The following TAOK2 variants were observed in gnomAD, a reference collection of about 807,000 sequenced individuals.
TAOK2 encodes the protein TAO kinase 2.
Under a neutral mutation model 122.5 loss-of-function variants are expected in TAOK2, and 42 were observed. The observed-to-expected ratio is 0.34, with a 90% CI of 0.27 to 0.44. The LOEUF is 0.44. Among genes scored for constraint, TAOK2 ranks in the 20% least tolerant of loss-of-function variants. The pLI is 1.00. For synonymous variants in TAOK2, 704 were observed against 677.6 expected, an observed-to-expected ratio of 1.04 and a Z score of -0.61; for missense variants, 1,264 against 1,644.9, an observed-to-expected ratio of 0.77 and a Z score of 4.01.
downstream of TAOK2, chr16:29,989,888 G>A (rs1382022885): frequency 2.8e-6 from 4 of 1,423,426 alleles, no homozygotes; most frequent in Non-Finnish European, 1.9e-6. Context: ...TGCAGGGCAT[G>A]CACAGAGCTG....
In TAOK2 at chr16:29,983,239, G is replaced by A; in HGVS notation, c.1167G>A (p.Glu389=). ...AGGAGGAGGAGGAGGAAGAGGAGGA[G>A]GAGGAAGAAGGCCCTGAAGCCCGGG... ...EEEEEEEEEE[E]EEEGPEAREM... Residue 389 remains glutamate, a synonymous_variant, in exon 12 of 16, where the codon GAG becomes GAA. Transcript: ENST00000308893. The A allele has an allele frequency of 6.2e-7, 1 of 1,611,824 alleles. No individual in the cohort carries two copies. The highest frequency in any genetic ancestry group is 8.5e-7 in the Non-Finnish European group (1 of 1,179,964).
At chr16:29,978,231 C>G (rs996674061) in intron 3 of TAOK2, 21 bp from the exon 4 acceptor site, 4 of 1,613,932 alleles carry the variant, frequency 2.5e-6, no homozygotes, top group African/African-American at 2.7e-5. Flanking sequence ...TGGGTAACCT[C>G]TGCCTACCCT....
At chr16:29,990,953 T>C (rs2069951968), downstream of TAOK2, 2 of 1,611,100 alleles carry the variant, frequency 1.2e-6, no homozygotes, top group Non-Finnish European at 1.7e-6. Flanking sequence ...CGGCGGGCAC[T>C]GCTGGAGCAG....
At position 29,988,350 on chromosome 16, in the gene TAOK2, C is replaced by CA; in HGVS notation, c.*377dup. ...TTCCAACCTGTCCCCTTCCCCCCAC[C>CA]AAAAAAAGAAAAAGACAAACACAAA... is the stretch of plus-strand genomic sequence containing the variant. On this transcript the variant is annotated 3_prime_UTR_variant, in exon 16 of 16. Transcript: ENST00000308893. 2.9e-6 allele frequency: 4 copies of CA among 1,375,106 alleles called. No homozygotes were observed. The highest frequency in any genetic ancestry group is 2.2e-5 in the Admixed American group (1 of 45,096). The allele number at this position is 1,375,106 out of a possible 1,614,324, so 85.2% of individuals were successfully genotyped here.
chr16:29,976,027 G>T (rs564845580), intron 1 of TAOK2, among the ~76,000 whole-genome samples: 15 of 152,292 alleles, frequency 9.8e-5, no homozygotes, highest in African/African-American at 3.6e-4. Context: ...GTTTTGGAAG[G>T]TGGTTATGAT....
At chr16:29,990,904 G>C, downstream of TAOK2, 1 of 1,613,678 alleles carries the variant, frequency 6.2e-7, no homozygotes, top group Non-Finnish European at 8.5e-7. Flanking sequence ...GAGCCAGCAC[G>C]AGAGGGAGCT....
Position 29,988,153 on chromosome 16 carries a change from A to G in TAOK2, c.*173A>G. The G allele has an allele frequency of 7.0e-7, 1 of 1,432,118 alleles. No individual in the cohort carries two copies. Among genetic ancestry groups the G allele is most frequent in the Non-Finnish European group, 9.1e-7 (1 of 1,098,284 alleles). The allele number at this position is 1,432,118 out of a possible 1,614,324, so 88.7% of individuals were successfully genotyped here. On this transcript the variant is annotated 3_prime_UTR_variant, in exon 16 of 16. Coordinates refer to ENST00000308893, the MANE Select transcript of TAOK2 (RefSeq NM_016151.4). ...AGACAGGCAGCCTCCTCAGCTGTGGAGTCCAGCAGTCACTCTGTGTTCTCC... is the reference window on the plus strand; with the variant it reads ...AGACAGGCAGCCTCCTCAGCTGTGGGGTCCAGCAGTCACTCTGTGTTCTCC...
chr16:29,986,944 A>C lies in TAOK2; in HGVS notation c.2672A>C (p.Gln891Pro), dbSNP rs767646576. ...GAGGAGTTTGAGCTTGGCTGGGTCC[A>C]GGGCCCAGCACTGACTCCCGTCCCT... ...LDEEFELGWV[Q>P]GPALTPVPEE... Residue 891 changes from glutamine (Q) to proline (P), a missense_variant, in exon 16 of 16, where the codon CAG (glutamine) becomes CCG (proline). This residue lies in a region of TAOK2 where 824 missense variants were observed against 908.7 expected (regional missense o/e 0.91). Transcript: ENST00000308893. The surrounding 1 kb of genome is among the most constrained non-coding windows in gnomAD (Gnocchi z 4.2). 1 of 1,613,924 alleles carries C rather than the reference A, an allele frequency of 6.2e-7. No homozygotes were observed. The highest frequency in any genetic ancestry group is 1.3e-5 in the African/African-American group (1 of 74,882).
At chr16:29,988,589 G>A, downstream of TAOK2, 3 of 985,412 alleles carry the variant, frequency 3.0e-6, no homozygotes, top group Non-Finnish European at 3.6e-6. Context: ...CGGCTCTGGG[G>A]TCTGGGCCCC....
At chr16:29,978,729 C>T in intron 4 of TAOK2, 70 bp from the exon 5 acceptor site, 1 of 1,572,858 alleles carries the variant, frequency 6.4e-7, no homozygotes. Context: ...GAGTACAGGA[C>T]AGTCAAGGAA....
At chr16:29,981,349 C>T in intron 8 of TAOK2, 1 of 574,432 alleles carries the variant, frequency 1.7e-6, no homozygotes, top group South Asian at 2.3e-5. Flanking sequence ...ATCAAGTTAT[C>T]TGCTCCCTTT....
At chr16:29,977,536 A>G (rs1193616634) in intron 1 of TAOK2, among the ~76,000 whole-genome samples, 1 of 152,100 alleles carries the variant, frequency 6.6e-6, no homozygotes, top group Non-Finnish European at 1.5e-5. Flanking sequence ...GACTCCAGGG[A>G]CCCAGCCCGC....
Position 29,982,820 on chromosome 16 carries a change from C to T in TAOK2, c.918C>T (p.Asn306=). 1 of 1,614,096 alleles carries T rather than the reference C, an allele frequency of 6.2e-7. No homozygotes were observed. The highest frequency in any genetic ancestry group is 8.5e-7 in the Non-Finnish European group (1 of 1,179,982). Residue 306 remains asparagine (N), a synonymous_variant, in exon 11 of 16, where the codon AAC becomes AAT. Coordinates refer to ENST00000308893, the MANE Select transcript of TAOK2 (RefSeq NM_016151.4). The part of the protein sequence containing the change: ...RTKDAVRELD[N]LQYRKMKKIL... Reference sequence around the variant, plus strand: ...AGGATGCCGTGCGGGAGCTGGACAACCTGCAGTACCGCAAGATGAAGAAGA... The same window carrying T: ...AGGATGCCGTGCGGGAGCTGGACAATCTGCAGTACCGCAAGATGAAGAAGA...
Position 29,979,604 on chromosome 16 carries a change from C to T in TAOK2, c.655+96C>T. The T allele has an allele frequency of 4.8e-6, 5 of 1,034,504 alleles. No homozygotes were observed. The highest frequency in any genetic ancestry group is 6.8e-6 in the Non-Finnish European group (5 of 733,320). The allele number at this position is 1,034,504 out of a possible 1,614,324, so 64.1% of individuals were successfully genotyped here. A position where few individuals can be genotyped will look rare whatever the true frequency, so the allele number is the denominator to read the frequency against. On this transcript the variant is annotated intron_variant, in intron 8 of 15. Coordinates refer to ENST00000308893, the MANE Select transcript of TAOK2 (RefSeq NM_016151.4). The surrounding 1 kb of genome is among the most constrained non-coding windows in gnomAD (Gnocchi z 4.1). The stretch of plus-strand genomic sequence containing the variant: ...CCCCCTTCTCCTAGGGATGGGATCC[C>T]AGGCCTCCAAGTTCCTGTCCGTTGT...
chr16:29,975,564 C>T (rs151240272), intron 1 of TAOK2, among the ~76,000 whole-genome samples: 1 of 152,300 alleles, frequency 6.6e-6, no homozygotes, highest in African/African-American at 2.4e-5. Context: ...GAAGCTTTTC[C>T]TGATGGGAGC....
rs2069786123 is a variant in TAOK2 at position 29,986,204 on chromosome 16, C to T, written c.1993-61C>T. The T allele has an allele frequency of 1.1e-5, 17 of 1,503,810 alleles. No individual in the cohort carries two copies. The highest frequency in any genetic ancestry group is 1.1e-4 in the South Asian group (8 of 72,140). 93.2% of individuals were successfully genotyped at this position (1,503,810 alleles called of 1,614,324 possible). A position where few individuals can be genotyped will look rare whatever the true frequency, so the allele number is the denominator to read the frequency against. The stretch of plus-strand genomic sequence containing the variant: ...TCCCCAGCTCCCTCTGCCAAGGAGC[C>T]CTGGCCTCTCACTTCCTTGATACTG... On this transcript the variant is annotated intron_variant, in intron 15 of 15. Coordinates refer to ENST00000308893, the MANE Select transcript of TAOK2 (RefSeq NM_016151.4). The surrounding 1 kb of genome is among the most constrained non-coding windows in gnomAD (Gnocchi z 4.2).
At chr16:29,978,391 T>C in intron 4 of TAOK2, 38 bp downstream of exon 4, 1 of 1,591,002 alleles carries the variant, frequency 6.3e-7, no homozygotes, top group Non-Finnish European at 8.6e-7. Context: ...TCTTTACTCC[T>C]ATTCATGCCC....
Position 29,987,013 on chromosome 16 carries a change from C to G in TAOK2, c.2741C>G (p.Pro914Arg). 1 of 1,612,636 alleles carries G rather than the reference C, an allele frequency of 6.2e-7. No homozygotes were observed. Among genetic ancestry groups the G allele is most frequent in the Non-Finnish European group, 8.5e-7 (1 of 1,179,080 alleles). The part of the protein sequence containing the change: ...EEEEGAPIGT[P>R]RDPGDGCPSP... ...GAAGAGGGGGCTCCGATTGGGACCC[C>G]TAGGGATCCTGGAGATGGTTGTCCT... Residue 914 changes from proline to arginine, a missense_variant, in exon 16 of 16, where the codon CCT (proline) becomes CGT (arginine). Around this residue, in one of 4 missense-constraint regions of TAOK2, gnomAD observed 824 missense variants for 908.7 expected, o/e 0.91. Transcript: ENST00000308893.
chr16:29,990,822 CCTTCGGCAGCAG>C, downstream of TAOK2: 1 of 1,613,040 alleles, frequency 6.2e-7, no homozygotes. Flanking sequence ...AGTTCCAGGC[CCTTCGGCAGCAG>C]CTTCAACAGG....
Sources: allele counts gnomAD v4.1 joint callset (sites outside exome capture counted in the v4.1 genomes callset), GRCh38; gene constraint gnomAD v4.1.1; regional missense constraint gnomAD v4.1.1; non-coding constraint Gnocchi (gnomAD v3.1); transcripts MANE v1.5; gene names NCBI Gene and HGNC (gene_info 2026-07-23, HGNC 2026-07-21).